The following CYFIP1 variants were observed in gnomAD, a reference collection of about 807,000 sequenced individuals.
CYFIP1 encodes cytoplasmic FMR1-interacting protein 1.
Under a neutral mutation model 163.5 loss-of-function variants are expected in CYFIP1, and 58 were observed. That is an observed-to-expected ratio of 0.35 (90% CI 0.29 to 0.44). CYFIP1 has a LOEUF of 0.44. CYFIP1 is among the 20% of genes least tolerant of loss of function. The pLI, the probability that CYFIP1 is intolerant of heterozygous loss-of-function variation, is 1.00. For missense variants in CYFIP1, 1,338 were observed against 1,653.8 expected, an observed-to-expected ratio of 0.81 and a Z score of 3.31; for synonymous variants, 663 against 660.7, an observed-to-expected ratio of 1.00 and a Z score of -0.05.
intron 23 of CYFIP1, among the ~76,000 whole-genome samples, chr15:22,883,364 G>GGC (rs2059824645): frequency 6.6e-6 from 1 of 152,168 alleles, no homozygotes; most frequent in Non-Finnish European, 1.5e-5. Flanking sequence ...ACCCTGAAGG[G>GGC]GCCGGGGGAG....
rs770951756 is a variant in CYFIP1 at position 22,875,093 on chromosome 15, G to A, written c.3115+106C>T. Reference sequence around the variant, plus strand: ...TACCCCTGGGTATGACTGAACAGGCGCCAAACCCACAATCTGCACTGGTCC... The same window carrying A: ...TACCCCTGGGTATGACTGAACAGGCACCAAACCCACAATCTGCACTGGTCC... On this transcript the variant is annotated intron_variant, in intron 27 of 30. Transcript: ENST00000617928. 12 of 1,064,058 alleles carry A rather than the reference G, an allele frequency of 1.1e-5. No homozygotes were observed. The Middle Eastern group carries it at 6.7e-4, about 60-fold the overall frequency. The allele number at this position is 1,064,058 out of a possible 1,614,324, so 65.9% of individuals were successfully genotyped here. A position where few individuals can be genotyped will look rare whatever the true frequency, so the allele number is the denominator to read the frequency against.
intron 13 of CYFIP1, among the ~76,000 whole-genome samples, chr15:22,924,944 C>T (rs1256517954): frequency 1.3e-5 from 2 of 152,220 alleles, no homozygotes; most frequent in South Asian, 4.1e-4. Flanking sequence ...TGGTGGCATG[C>T]ACCTATAGTT....
intron 1 of CYFIP1, among the ~76,000 whole-genome samples, chr15:22,966,866 C>T (rs768460713): frequency 1.5e-4 from 23 of 152,072 alleles, no homozygotes; most frequent in Admixed American, 2.6e-4. Flanking sequence ...GTGTAAGACT[C>T]GCTAGCATCT....
chr15:22,883,556 A>C (rs538078913), intron 23 of CYFIP1, among the ~76,000 whole-genome samples: 1 of 152,130 alleles, frequency 6.6e-6, no homozygotes, highest in South Asian at 2.1e-4. Flanking sequence ...GGCGACTCAC[A>C]CCTGTAATCC....
intron 30 of CYFIP1, 99 bp downstream of exon 30, chr15:22,872,726 C>T: frequency 1.6e-6 from 2 of 1,288,056 alleles, no homozygotes; most frequent in Non-Finnish European, 2.2e-6. Context: ...ACCTTACGTA[C>T]TAGGATGAAA....
At chr15:22,971,141 C>T (rs762569418) in intron 1 of CYFIP1, among the ~76,000 whole-genome samples, 2 of 152,152 alleles carry the variant, frequency 1.3e-5, no homozygotes, top group Non-Finnish European at 2.9e-5. Context: ...GCCTAAACAT[C>T]GGATCTAAAA....
intron 26 of CYFIP1, among the ~76,000 whole-genome samples, chr15:22,877,266 C>A (rs367876353): frequency 6.6e-6 from 1 of 152,288 alleles, no homozygotes; most frequent in South Asian, 2.1e-4. Flanking sequence ...CTTGGCAACA[C>A]CCGCTTCCCC....
intron 1 of CYFIP1, among the ~76,000 whole-genome samples, chr15:22,956,506 G>A (rs1347896220): frequency 6.6e-6 from 1 of 152,182 alleles, no homozygotes; most frequent in Non-Finnish European, 1.5e-5. Flanking sequence ...GTATGTGTGT[G>A]AGTGTGTGTG....
intron 26 of CYFIP1, among the ~76,000 whole-genome samples, chr15:22,876,831 TAAA>T (rs11409746): frequency 1.4e-5 from 2 of 147,944 alleles, no homozygotes; most frequent in South Asian, 4.3e-4. Context: ...AACTCCAGTC[TAAA>T]AAAAAAAAGA....
intron 30 of CYFIP1, 149 bp from the exon 31 acceptor site, chr15:22,870,341 AAGAT>A (rs1185064159): frequency 1.1e-5 from 9 of 790,052 alleles, no homozygotes; most frequent in Non-Finnish European, 1.9e-6. Context: ...TTTTTTTTGT[AAGAT>A]AGGGTCTCAC....
At chr15:22,874,035 G>A (rs533158784) in intron 28 of CYFIP1, among the ~76,000 whole-genome samples, 166 of 152,288 alleles carry the variant, frequency 1.1e-3, no homozygotes, top group African/African-American at 3.4e-3. Context: ...CCCGGTGCCC[G>A]GCCCTGGAAA....
At position 22,910,979 on chromosome 15, in the gene CYFIP1, G is replaced by T. The variant is rs542385801; in HGVS notation, c.2083-166C>A. On this transcript the variant is annotated intron_variant, in intron 18 of 30. Transcript: ENST00000617928. ...GGCTGGAGCGCAGTAGTGCGATCTT[G>T]GCTCACTGCAATCTCTGCCTCAAGT... Among the ~76,000 whole-genome samples, 37 of 151,648 alleles carry T rather than the reference G, an allele frequency of 2.4e-4. No individual in the cohort carries two copies. In the South Asian group the frequency reaches 7.4e-3, roughly 30 times the overall value.
At chr15:22,891,502 G>A (rs374534604) in intron 23 of CYFIP1, among the ~76,000 whole-genome samples, 4 of 152,222 alleles carry the variant, frequency 2.6e-5, no homozygotes, top group Admixed American at 6.5e-5. Flanking sequence ...CGTGGGCCCC[G>A]TTTCCCGAAG....
Position 22,918,713 on chromosome 15 carries a change from T to C in CYFIP1, c.1505A>G (p.Lys502Arg), listed in dbSNP as rs1446696518. 6.2e-7 allele frequency: 1 copy of C among 1,606,066 alleles called. No homozygotes were observed. Among genetic ancestry groups the C allele is most frequent in the African/African-American group, 1.3e-5 (1 of 74,668 alleles). ...LREPLRQAIK[K>R]KKNVIQSVLQ... ...TGACCTCTGGATGACGTTCTTCTTC[T>C]TCTTGATGGCCTGCCGCAGCGGCTC... Residue 502 changes from lysine to arginine, a missense_variant, in exon 14 of 31, where the codon AAG becomes AGG. Lys to Arg is a conservative substitution (Grantham distance 26). Coordinates refer to ENST00000617928, the MANE Select transcript of CYFIP1 (RefSeq NM_014608.6).
At chr15:22,956,577 C>T (rs2062462640) in intron 1 of CYFIP1, among the ~76,000 whole-genome samples, 1 of 152,106 alleles carries the variant, frequency 6.6e-6, no homozygotes, top group African/African-American at 2.4e-5. Context: ...GCCTTGGACA[C>T]CAGACAAAAC....
At chr15:22,978,027 T>C in intron 1 of CYFIP1, among the ~76,000 whole-genome samples, 1 of 151,958 alleles carries the variant, frequency 6.6e-6, no homozygotes, top group Non-Finnish European at 1.5e-5. Context: ...AGGAGGCTGA[T>C]AAAATTATGA....
At chr15:22,879,883 G>A (rs765707733) in intron 26 of CYFIP1, 30 bp downstream of exon 26, 55 of 1,577,590 alleles carry the variant, frequency 3.5e-5, no homozygotes, top group South Asian at 2.8e-4. Flanking sequence ...GGGCTGGGGC[G>A]GGGAGGGGCG....
chr15:22,940,045 G>A (rs771646573), intron 6 of CYFIP1, among the ~76,000 whole-genome samples: 2 of 152,178 alleles, frequency 1.3e-5, no homozygotes, highest in Non-Finnish European at 2.9e-5. Flanking sequence ...ACACCCGTAC[G>A]TGAGGCCCAA....
chr15:22,963,551 TAACATAAGA>T (rs750070783), intron 1 of CYFIP1, among the ~76,000 whole-genome samples: 7,182 of 130,886 alleles, frequency 0.055, 230 homozygotes, highest in Non-Finnish European at 0.064. Flanking sequence ...TAACATAACA[TAACATAAGA>T]AAGAATGAAA....
Sources: gnomAD v4.1 joint callset for allele counts (sites outside exome capture counted in the v4.1 genomes callset) on GRCh38, gnomAD v4.1.1 for gene constraint, MANE v1.5 for transcripts, NCBI Gene and HGNC (gene_info 2026-07-23, HGNC 2026-07-21) for gene names.